DNER: variants seen among roughly 807,000 people sequenced by gnomAD.
DNER encodes delta/notch like EGF repeat containing.
Under a neutral mutation model 78.2 loss-of-function variants are expected in DNER, and 33 were observed. The observed-to-expected ratio is 0.42, with a 90% confidence interval of 0.32 to 0.56. DNER has a LOEUF of 0.56. Among genes scored for constraint, DNER ranks in the 20% least tolerant of loss-of-function variants. The pLI, the probability that DNER is intolerant of heterozygous loss-of-function variation, is 0.11. For missense variants in DNER, 918 were observed against 975.3 expected (o/e 0.94, Z 0.78); for synonymous variants, 417 against 384.8 (o/e 1.08, Z -0.98).
At chr2:229,655,927 G>C (rs537123529) in intron 1 of DNER, among the ~76,000 whole-genome samples, 6 of 152,014 alleles carry the variant, frequency 3.9e-5, no homozygotes, top group African/African-American at 1.5e-4. Context: ...TTCACGTTAA[G>C]CTGCCACAAC....
At chr2:229,409,083 A>T (rs1371516778) in intron 9 of DNER, among the ~76,000 whole-genome samples, 1 of 152,154 alleles carries the variant, frequency 6.6e-6, no homozygotes, top group Non-Finnish European at 1.5e-5. Flanking sequence ...GATCAAAATA[A>T]TGTTAAGATT....
intron 9 of DNER, among the ~76,000 whole-genome samples, chr2:229,410,696 C>A (rs1392703898): frequency 6.6e-6 from 1 of 152,164 alleles, no homozygotes; most frequent in Non-Finnish European, 1.5e-5. Flanking sequence ...TCTAAAAAGA[C>A]TTTGATTCCA....
intron 6 of DNER, among the ~76,000 whole-genome samples, chr2:229,491,178 G>T (rs1018033892): frequency 1.3e-5 from 2 of 152,168 alleles, no homozygotes; most frequent in East Asian, 1.9e-4. Flanking sequence ...CTTCAAACAC[G>T]CTGGGCATAT....
At chr2:229,363,692 T>A (rs932827971) in intron 12 of DNER, among the ~76,000 whole-genome samples, 1 of 152,254 alleles carries the variant, frequency 6.6e-6, no homozygotes, top group African/African-American at 2.4e-5. Context: ...CTTTCAAGTT[T>A]ATTCTTTCCT....
chr2:229,519,586 G>A (rs1401405333), intron 5 of DNER, among the ~76,000 whole-genome samples: 1 of 152,024 alleles, frequency 6.6e-6, no homozygotes, highest in Non-Finnish European at 1.5e-5. Context: ...TATGTCAGGT[G>A]TCCCAGCTGG....
intron 1 of DNER, among the ~76,000 whole-genome samples, chr2:229,642,259 T>C (rs1461011639): frequency 6.6e-6 from 1 of 152,232 alleles, no homozygotes; most frequent in Admixed American, 6.5e-5. Flanking sequence ...CTCTAAATTC[T>C]GCTTTTTCAA....
chr2:229,608,990 A>T (rs1245055899), intron 1 of DNER, among the ~76,000 whole-genome samples: 1 of 152,202 alleles, frequency 6.6e-6, no homozygotes, highest in East Asian at 1.9e-4. Flanking sequence ...TGGGAGGCCA[A>T]GGCAGGTGGA....
intron 4 of DNER, among the ~76,000 whole-genome samples, chr2:229,561,986 G>A (rs1239484513): frequency 6.6e-6 from 1 of 152,166 alleles, no homozygotes; most frequent in Non-Finnish European, 1.5e-5. Flanking sequence ...GTGACAGCTT[G>A]GACAGCCAGT....
At chr2:229,421,113 G>T (rs1290743275) in intron 8 of DNER, among the ~76,000 whole-genome samples, 5 of 152,170 alleles carry the variant, frequency 3.3e-5, no homozygotes, top group Non-Finnish European at 7.4e-5. Flanking sequence ...ATCTTGTCAT[G>T]TGCTACAATA....
At chr2:229,605,675 A>G (rs1360801360) in intron 1 of DNER, among the ~76,000 whole-genome samples, 1 of 151,910 alleles carries the variant, frequency 6.6e-6, no homozygotes, top group African/African-American at 2.4e-5. Flanking sequence ...GTGTATAAAG[A>G]TTATAGACAC....
intron 1 of DNER, among the ~76,000 whole-genome samples, chr2:229,683,136 A>G (rs1699416645): frequency 6.6e-6 from 1 of 152,236 alleles, no homozygotes; most frequent in Non-Finnish European, 1.5e-5. Flanking sequence ...TCAACTGAAT[A>G]CCTTCTATGC....
intron 1 of DNER, among the ~76,000 whole-genome samples, chr2:229,640,494 G>A (rs1698598728): frequency 7.1e-6 from 1 of 141,812 alleles, no homozygotes; most frequent in South Asian, 2.3e-4. Context: ...GGTATGAGGA[G>A]TTTGCCTATG....
rs148926930 is a variant in DNER at position 229,591,307 on chromosome 2, T to C, written c.585+273A>G. On this transcript the variant is annotated intron_variant, in intron 2 of 12. Transcript: ENST00000341772. This position sits in a 1 kb window ranked among gnomAD's most constrained non-coding sequence, Gnocchi z 4.6. ...GACATGTTCCTTTACATGACTACACTGAGCTGTCTTCCCCAAAATCTAAGA... is the reference window on the plus strand; with the variant it reads ...GACATGTTCCTTTACATGACTACACCGAGCTGTCTTCCCCAAAATCTAAGA... Among the ~76,000 whole-genome samples the C allele has an allele frequency of 1.1e-4, 16 of 152,342 alleles. 1 individual carries two copies. The highest frequency in any genetic ancestry group is 3.8e-4 in the African/African-American group (16 of 41,572).
chr2:229,705,947 T>G (rs1699821040), intron 1 of DNER, among the ~76,000 whole-genome samples: 2 of 152,296 alleles, frequency 1.3e-5, no homozygotes, highest in East Asian at 3.9e-4. Context: ...CTAACTATGG[T>G]GTCCAGACAT....
intron 1 of DNER, among the ~76,000 whole-genome samples, chr2:229,681,923 T>C (rs932867768): frequency 3.6e-4 from 54 of 152,110 alleles, no homozygotes; most frequent in African/African-American, 1.1e-3. Context: ...TATTTTTTAA[T>C]TTAGTAAATG....
At chr2:229,442,162 C>T (rs1454662732) in intron 8 of DNER, among the ~76,000 whole-genome samples, 1 of 152,118 alleles carries the variant, frequency 6.6e-6, no homozygotes, top group Non-Finnish European at 1.5e-5. Context: ...ATACAATCTA[C>T]AACTCTCAAG....
intron 1 of DNER, among the ~76,000 whole-genome samples, chr2:229,599,090 TG>T (rs1226282155): frequency 1.3e-5 from 2 of 152,066 alleles, no homozygotes; most frequent in East Asian, 3.9e-4. Context: ...TTACAAATTC[TG>T]GGCAGTGGGT....
chr2:229,500,368 T>C (rs1045375087), intron 6 of DNER, among the ~76,000 whole-genome samples: 2 of 152,178 alleles, frequency 1.3e-5, no homozygotes, highest in Non-Finnish European at 2.9e-5. Flanking sequence ...GAATAGCTAT[T>C]ATCAAAAAGA....
intron 8 of DNER, among the ~76,000 whole-genome samples, chr2:229,433,160 G>A (rs1311712912): frequency 6.6e-6 from 1 of 152,110 alleles, no homozygotes; most frequent in South Asian, 2.1e-4. Context: ...GGCTGGTCTC[G>A]AACTCCTGAC....
Sources: allele counts gnomAD v4.1 joint callset (sites outside exome capture counted in the v4.1 genomes callset), GRCh38; gene constraint gnomAD v4.1.1; non-coding constraint Gnocchi (gnomAD v3.1); transcripts MANE v1.5; gene names NCBI Gene and HGNC (gene_info 2026-07-23, HGNC 2026-07-21).